Variants in ZDHHC19 observed in about 807,000 individuals in gnomAD.
ZDHHC19 encodes palmitoyltransferase ZDHHC19.
Under a neutral mutation model 33.9 loss-of-function variants are expected in ZDHHC19, and 30 were observed. That is an observed-to-expected ratio of 0.88 (90% confidence interval 0.66 to 1.20). The LOEUF (loss-of-function observed/expected upper bound fraction) is 1.20. ZDHHC19 is among the 50% of genes most tolerant of loss of function. ZDHHC19 has a pLI of 0.00. For synonymous variants in ZDHHC19, 178 were observed against 167.6 expected (o/e 1.06, Z -0.48); for missense variants, 364 against 401.1 (o/e 0.91, Z 0.79).
intron 5 of ZDHHC19, among the ~76,000 whole-genome samples, chr3:196,206,675 T>G (rs1722755397): frequency 8.5e-6 from 1 of 117,924 alleles, no homozygotes; most frequent in Admixed American, 1.1e-4. Context: ...TTTTCTTTTC[T>G]TTTCTTTTTT....
At chr3:196,208,871 C>A in intron 3 of ZDHHC19, 1 of 380,314 alleles carries the variant, frequency 2.6e-6, no homozygotes, top group Non-Finnish European at 4.8e-6. Context: ...TGGACCTCCA[C>A]TTTCTCATCC....
intron 5 of ZDHHC19, among the ~76,000 whole-genome samples, chr3:196,202,892 G>A (rs1722472149): frequency 6.6e-6 from 1 of 152,216 alleles, no homozygotes; most frequent in African/African-American, 2.4e-5. Context: ...AGCGGGAGTG[G>A]AGGCTGGCGA....
rs73077068 is a variant in ZDHHC19, at chr3:196,198,317, T to C, written c.908A>G (p.Glu303Gly). ...APTSGSLQSR[E>G]GTPGAW Reference sequence around the variant, plus strand: ...GCCTCACCACGCCCCGGGGGTCCCTTCCCTGCTTTGTAGGGACCCAGAGGT... The same window carrying C: ...GCCTCACCACGCCCCGGGGGTCCCTCCCCTGCTTTGTAGGGACCCAGAGGT... The change falls in exon 7 of 8, where the codon GAA becomes GGA. Residue 303 changes from glutamate (E) to glycine (G), a missense_variant. Transcript: ENST00000296326. The C allele has an allele frequency of 5.6e-3, 8,431 of 1,507,202 alleles. 467 individuals are homozygous for C. The African/African-American group carries it at 0.11, about 19-fold the overall frequency. The allele number at this position is 1,507,202 out of a possible 1,614,324, so 93.4% of individuals were successfully genotyped here.
intron 5 of ZDHHC19, chr3:196,199,336 T>C (rs538173105): frequency 4.0e-4 from 70 of 173,692 alleles, no homozygotes; most frequent in Admixed American, 2.4e-3. Context: ...CAGGGCAGGC[T>C]GGGCCTCACC....
intron 5 of ZDHHC19, among the ~76,000 whole-genome samples, chr3:196,205,870 G>A (rs1490329937): frequency 6.6e-6 from 1 of 152,126 alleles, no homozygotes; most frequent in African/African-American, 2.4e-5. Context: ...ATGTTGGCCA[G>A]GCTGGTCTCG....
At chr3:196,202,787 C>G (rs900720715) in intron 5 of ZDHHC19, among the ~76,000 whole-genome samples, 2 of 152,194 alleles carry the variant, frequency 1.3e-5, no homozygotes, top group Admixed American at 6.5e-5. Flanking sequence ...GTGAGCACAG[C>G]GGCCGGCTGA....
chr3:196,200,217 G>C (rs533687062), intron 5 of ZDHHC19, among the ~76,000 whole-genome samples: 5 of 151,226 alleles, frequency 3.3e-5, no homozygotes, highest in African/African-American at 1.2e-4. Flanking sequence ...CGAGGCTGCA[G>C]TGAGCTATGA....
chr3:196,201,987 G>T (rs903736760), intron 5 of ZDHHC19, among the ~76,000 whole-genome samples: 4 of 151,988 alleles, frequency 2.6e-5, no homozygotes, highest in Admixed American at 2.0e-4. Context: ...TTTGTTGGTT[G>T]GTTCACTCAC....
chr3:196,207,452 C>A lies in ZDHHC19; in HGVS notation c.633G>T (p.Leu211=). 1 of 1,576,456 alleles carries A rather than the reference C, an allele frequency of 6.3e-7. No homozygotes were observed. The highest frequency in any genetic ancestry group is 8.6e-7 in the Non-Finnish European group (1 of 1,162,046). The change falls in exon 5 of 8, where the codon CTG becomes CTT. Residue 211 remains leucine, a synonymous_variant. Transcript: ENST00000296326. ...TCACGGACAGTGCCTGGATCAGCAG[C>A]AGGAGGGACAGCGGCACCAGGAGGC... ...AAGLLVPLSL[L]LLIQALSVSS...
intron 1 of ZDHHC19, 42 bp downstream of exon 1, chr3:196,211,128 G>C (rs1202963616): frequency 6.2e-7 from 1 of 1,613,852 alleles, no homozygotes; most frequent in Admixed American, 1.7e-5. Context: ...TTCCCTGGCT[G>C]TCTCTTTGTG....
chr3:196,210,455 G>GAAAAGAAAAGAAAAGAAAAGAA (rs61351386), intron 2 of ZDHHC19, among the ~76,000 whole-genome samples, 161 bp downstream of exon 2: 26 of 144,134 alleles, frequency 1.8e-4, no homozygotes, highest in African/African-American at 6.8e-4. Context: ...AAAGAAAAGA[G>GAAAAGAAAAGAAAAGAAAAGAA]AAGAGAAGAA....
intron 2 of ZDHHC19, 91 bp from the exon 3 acceptor site, chr3:196,209,606 G>C (rs1245328133): frequency 7.3e-6 from 11 of 1,505,182 alleles, no homozygotes; most frequent in African/African-American, 2.7e-5. Context: ...CACAAGGAAG[G>C]GTGGGGACAA....
At position 196,210,320 on chromosome 3, in the gene ZDHHC19, A is replaced by AGAAG. The variant is rs1222194086; in HGVS notation, c.268+292_268+295dup. Among the ~76,000 whole-genome samples the AGAAG allele has an allele frequency of 1.3e-3, 154 of 116,074 alleles. 4 individuals are homozygous for AGAAG. Among genetic ancestry groups the AGAAG allele is most frequent in the African/African-American group, 4.5e-3 (144 of 32,264 alleles). The allele number at this position is 116,074 out of a possible 152,430, so 76.1% of individuals were successfully genotyped here. The stretch of plus-strand genomic sequence containing the variant: ...AAGGAAAGAGAGAGGAAGAAAGGAA[A>AGAAG]GAAGGAAAGAAAGAAAGAAAGAAAA... On this transcript the variant is annotated intron_variant, in intron 2 of 7. Coordinates refer to ENST00000296326, the MANE Select transcript of ZDHHC19 (RefSeq NM_001039617.2).
Position 196,207,258 on chromosome 3 carries a change from C to T in ZDHHC19, c.687+140G>A, listed in dbSNP as rs73083217. The stretch of plus-strand genomic sequence containing the variant: ...CCCGGAGGAGGCGAGATTGGAGCCT[C>T]TTAAGAGCTGGGTCTGGAGGGACCT... On this transcript the variant is annotated intron_variant, in intron 5 of 7. Coordinates refer to ENST00000296326, the MANE Select transcript of ZDHHC19 (RefSeq NM_001039617.2). 10,680 of 679,792 alleles carry T rather than the reference C, an allele frequency of 0.016. 806 individuals carry two copies. The African/African-American group carries it at 0.17, about 11-fold the overall frequency. 42.1% of individuals were successfully genotyped at this position (679,792 alleles called of 1,614,324 possible). A position where few individuals can be genotyped will look rare whatever the true frequency, so the allele number is the denominator to read the frequency against.
intron 5 of ZDHHC19, among the ~76,000 whole-genome samples, chr3:196,199,924 G>A (rs554146387): frequency 1.1e-4 from 17 of 151,986 alleles, no homozygotes; most frequent in African/African-American, 2.7e-4. Context: ...CAGCCTGGGC[G>A]ACAGAGCGAC....
rs147827281 is a variant in ZDHHC19 at position 196,211,390 on chromosome 3, A to G, written c.-75T>C. The G allele has an allele frequency of 4.1e-4, 616 of 1,511,800 alleles. 2 individuals carry two copies. In the East Asian group the frequency reaches 0.012, roughly 28 times the overall value. The allele number at this position is 1,511,800 out of a possible 1,614,324, so 93.6% of individuals were successfully genotyped here. A position where few individuals can be genotyped will look rare whatever the true frequency, so the allele number is the denominator to read the frequency against. On this transcript the variant is annotated 5_prime_UTR_variant, in exon 1 of 8. An upstream start codon of the reference 5' UTR is lost. Coordinates refer to ENST00000296326, the MANE Select transcript of ZDHHC19 (RefSeq NM_001039617.2). ...CCCCCAGCCCAGCTTCCAGAGCTCC[A>G]TGGCCACGGCAGCCTCAGAGCCGCA...
chr3:196,200,695 CCA>C (rs1722272110), intron 5 of ZDHHC19, among the ~76,000 whole-genome samples: 1 of 149,678 alleles, frequency 6.7e-6, no homozygotes, highest in Admixed American at 6.7e-5. Context: ...CTCTTGTTGC[CCA>C]GGCTGGAGTG....
intron 5 of ZDHHC19, among the ~76,000 whole-genome samples, chr3:196,201,053 A>T (rs1722298724): frequency 6.6e-6 from 1 of 151,640 alleles, no homozygotes; most frequent in African/African-American, 2.4e-5. Context: ...GATCTTTAAT[A>T]AATTCATAAG....
chr3:196,210,397 AAGAG>A (rs1440981407), intron 2 of ZDHHC19, among the ~76,000 whole-genome samples: 3 of 145,118 alleles, frequency 2.1e-5, no homozygotes, highest in East Asian at 4.1e-4. Context: ...GAAGGAAAGA[AAGAG>A]GGAGAGAGAG....
Sources: gnomAD v4.1 joint callset for allele counts (sites outside exome capture counted in the v4.1 genomes callset) on GRCh38, gnomAD v4.1.1 for gene constraint, MANE v1.5 for transcripts, NCBI Gene and HGNC (gene_info 2026-07-23, HGNC 2026-07-21) for gene names.